The following PHYHIPL variants were observed in gnomAD, a reference collection of about 807,000 sequenced individuals.
PHYHIPL encodes the protein phytanoyl-CoA hydroxylase-interacting protein-like.
A neutral mutation model predicts 33.4 loss-of-function variants in PHYHIPL; 9 were observed. That is an observed-to-expected ratio of 0.27 (90% CI 0.16 to 0.47). The LOEUF is 0.47. Ranked by LOEUF, PHYHIPL falls within the 20% of genes least tolerant of loss-of-function variation. The probability of loss-of-function intolerance (pLI) is 0.99; values close to 1 mark genes in which losing one functional copy is unlikely to be tolerated. For missense variants in PHYHIPL, 365 were observed against 460.7 expected, an observed-to-expected ratio of 0.79 and a Z score of 1.90; for synonymous variants, 153 against 154.1, an observed-to-expected ratio of 0.99 and a Z score of 0.05.
At chr10:59,221,750 C>G (rs755096231) in intron 1 of PHYHIPL, 96 of 887,214 alleles carry the variant, frequency 1.1e-4, no homozygotes, top group Non-Finnish European at 1.3e-4. Flanking sequence ...AAGCTCAAAT[C>G]TCTAAAATCC....
chr10:59,174,652 G>A (rs192630637), upstream of PHYHIPL, among the ~76,000 whole-genome samples: 2 of 152,178 alleles, frequency 1.3e-5, no homozygotes, highest in East Asian at 1.9e-4. Flanking sequence ...TACCCTTTCC[G>A]ATTACACAAA....
intron 2 of PHYHIPL, 39 bp downstream of exon 2, chr10:59,234,539 A>G: frequency 7.2e-7 from 1 of 1,392,158 alleles, no homozygotes; most frequent in Non-Finnish European, 9.6e-7. Context: ...TTGCATCTTA[A>G]AACTTTCTAA....
chr10:59,189,188 A>C (rs1224923355), intron 1 of PHYHIPL, among the ~76,000 whole-genome samples: 1 of 152,024 alleles, frequency 6.6e-6, no homozygotes, highest in African/African-American at 2.4e-5. Flanking sequence ...GCTGTCTGTA[A>C]ATGACCCTCT....
chr10:59,222,541 A>G (rs1839806851), intron 1 of PHYHIPL, among the ~76,000 whole-genome samples: 2 of 152,122 alleles, frequency 1.3e-5, no homozygotes, highest in Non-Finnish European at 2.9e-5. Flanking sequence ...GTTAAAAGAA[A>G]CAACAAAACA....
intron 1 of PHYHIPL, among the ~76,000 whole-genome samples, chr10:59,201,953 A>G (rs1246061565): frequency 6.6e-6 from 1 of 152,182 alleles, no homozygotes; most frequent in African/African-American, 2.4e-5. Context: ...TCATAAGAGT[A>G]AAGCAAAAGA....
chr10:59,197,353 T>C (rs1224918628), intron 1 of PHYHIPL, among the ~76,000 whole-genome samples: 2 of 152,336 alleles, frequency 1.3e-5, no homozygotes, highest in East Asian at 3.9e-4. Flanking sequence ...AAGTTTTCAG[T>C]ACCTGTCTTC....
intron 1 of PHYHIPL, among the ~76,000 whole-genome samples, chr10:59,213,658 G>T (rs765203756): frequency 1.3e-5 from 2 of 152,144 alleles, no homozygotes; most frequent in Non-Finnish European, 2.9e-5. Context: ...AGAGCCAAGG[G>T]CTGAGATTTT....
chr10:59,226,484 G>A (rs1442948308), intron 1 of PHYHIPL, among the ~76,000 whole-genome samples: 1 of 152,114 alleles, frequency 6.6e-6, no homozygotes, highest in Non-Finnish European at 1.5e-5. Context: ...TCAGGTGGAT[G>A]TAATGAAAAT....
intron 1 of PHYHIPL, among the ~76,000 whole-genome samples, chr10:59,179,533 A>G (rs1047866973): frequency 6.6e-6 from 1 of 152,202 alleles, no homozygotes; most frequent in Non-Finnish European, 1.5e-5. Flanking sequence ...GTGGAATAAA[A>G]TAGAATAGGG....
intron 2 of PHYHIPL, among the ~76,000 whole-genome samples, chr10:59,235,844 A>C (rs1172272252): frequency 6.6e-6 from 1 of 151,870 alleles, no homozygotes; most frequent in African/African-American, 2.4e-5. Flanking sequence ...TCTGTGACAC[A>C]TAGACTCTAT....
chr10:59,210,763 C>G (rs531386153), intron 1 of PHYHIPL, among the ~76,000 whole-genome samples: 1 of 152,118 alleles, frequency 6.6e-6, no homozygotes, highest in Non-Finnish European at 1.5e-5. Context: ...GAACAGTTCA[C>G]GTCCTTTGCA....
At chr10:59,185,211 C>A (rs1229416235) in intron 1 of PHYHIPL, among the ~76,000 whole-genome samples, 1 of 151,834 alleles carries the variant, frequency 6.6e-6, no homozygotes, top group Non-Finnish European at 1.5e-5. Context: ...GGGATGGTCT[C>A]GATCTCCTGA....
intron 1 of PHYHIPL, among the ~76,000 whole-genome samples, chr10:59,226,657 A>T (rs1456116827): frequency 6.6e-6 from 1 of 152,166 alleles, no homozygotes; most frequent in Non-Finnish European, 1.5e-5. Flanking sequence ...ATTTTTTAAT[A>T]AAAATTTAAA....
intron 1 of PHYHIPL, chr10:59,177,347 C>T: frequency 1.1e-6 from 1 of 897,536 alleles, no homozygotes; most frequent in South Asian, 2.0e-5. Flanking sequence ...TTCTAGCAAC[C>T]CCCTTCCCCC....
chr10:59,239,013 ATACTGAC>A (rs1840312295), intron 4 of PHYHIPL, among the ~76,000 whole-genome samples: 1 of 151,962 alleles, frequency 6.6e-6, no homozygotes, highest in African/African-American at 2.4e-5. Context: ...TGTCTGCATC[ATACTGAC>A]TACTAATTTT....
At chr10:59,235,948 T>C (rs1840219442) in intron 2 of PHYHIPL, among the ~76,000 whole-genome samples, 1 of 151,958 alleles carries the variant, frequency 6.6e-6, no homozygotes, top group African/African-American at 2.4e-5. Flanking sequence ...GTGAAATTAT[T>C]GGGTAGTATA....
intron 3 of PHYHIPL, among the ~76,000 whole-genome samples, 182 bp from the exon 4 acceptor site, chr10:59,238,406 T>C (rs939465817): frequency 1.3e-5 from 2 of 151,988 alleles, no homozygotes; most frequent in Non-Finnish European, 2.9e-5. Context: ...ATAACAAAAA[T>C]ATTTTTGTAG....
At chr10:59,201,501 G>A (rs776653249) in intron 1 of PHYHIPL, among the ~76,000 whole-genome samples, 2 of 152,180 alleles carry the variant, frequency 1.3e-5, no homozygotes, top group Non-Finnish European at 2.9e-5. Flanking sequence ...TTTGGAATAG[G>A]TGTGATGTGG....
At chr10:59,229,414 G>A (rs1470104998) in intron 1 of PHYHIPL, among the ~76,000 whole-genome samples, 2 of 152,092 alleles carry the variant, frequency 1.3e-5, no homozygotes, top group Non-Finnish European at 2.9e-5. Context: ...AATAATAATT[G>A]TAATTAGTAG....
Sources: gnomAD v4.1 joint callset for allele counts (sites outside exome capture counted in the v4.1 genomes callset) on GRCh38, gnomAD v4.1.1 for gene constraint, MANE v1.5 for transcripts, NCBI Gene and HGNC (gene_info 2026-07-23, HGNC 2026-07-21) for gene names.